The following SLIT3 variants were observed in gnomAD, a reference collection of about 807,000 sequenced individuals.
SLIT3 encodes the protein slit guidance ligand 3, also known as slit homolog 3 protein.
SLIT3 carries 68 observed loss-of-function variants against 184.0 expected under a neutral mutation model. That is an observed-to-expected ratio of 0.37 (90% confidence interval 0.30 to 0.45). SLIT3 has a LOEUF of 0.45. Ranked by LOEUF, SLIT3 falls within the 20% of genes least tolerant of loss-of-function variation. The pLI is 1.00. For synonymous variants in SLIT3, 831 were observed against 828.6 expected, an observed-to-expected ratio of 1.00 and a Z score of -0.05; for missense variants, 1,707 against 2,026.0, an observed-to-expected ratio of 0.84 and a Z score of 3.02.
chr5:169,244,846 C>T, intron 2 of SLIT3, 70 bp from the exon 3 acceptor site: 1 of 1,331,490 alleles, frequency 7.5e-7, no homozygotes, highest in Non-Finnish European at 1.1e-6. Context: ...AGGCTTCATG[C>T]CATGCAGGCA....
chr5:168,812,417 A>G (rs1757189091), intron 8 of SLIT3, among the ~76,000 whole-genome samples: 1 of 152,238 alleles, frequency 6.6e-6, no homozygotes, highest in Admixed American at 6.5e-5. Flanking sequence ...TTTGATTTTT[A>G]CATAATATAT....
chr5:168,805,806 C>T (rs34542491), intron 9 of SLIT3, among the ~76,000 whole-genome samples: 21,917 of 152,212 alleles, frequency 0.14, 1,941 homozygotes, highest in East Asian at 0.29. Flanking sequence ...CATTTGTTTA[C>T]GTCCCACCAC....
chr5:168,745,084 G>A (rs1763758691), intron 20 of SLIT3, among the ~76,000 whole-genome samples: 1 of 152,194 alleles, frequency 6.6e-6, no homozygotes, highest in South Asian at 2.1e-4. Context: ...AACATTAATA[G>A]GAGTTTGGAA....
intron 4 of SLIT3, among the ~76,000 whole-genome samples, chr5:168,973,074 C>T (rs965514142): frequency 7.2e-5 from 11 of 152,052 alleles, no homozygotes; most frequent in African/African-American, 1.5e-4. Flanking sequence ...TCCAGCTTGT[C>T]CTTGAAGAGC....
intron 3 of SLIT3, among the ~76,000 whole-genome samples, chr5:169,238,840 C>T (rs947703005): frequency 6.6e-6 from 1 of 152,070 alleles, no homozygotes. Flanking sequence ...CATCATGGTT[C>T]CTTTGTACTT....
chr5:168,741,168 C>T (rs1763622116), intron 20 of SLIT3, among the ~76,000 whole-genome samples: 2 of 152,136 alleles, frequency 1.3e-5, no homozygotes, highest in South Asian at 4.2e-4. Context: ...AGCCACAACA[C>T]ACACTCAAGA....
chr5:168,836,818 T>C (rs1758068593), intron 6 of SLIT3, among the ~76,000 whole-genome samples: 1 of 152,200 alleles, frequency 6.6e-6, no homozygotes, highest in Non-Finnish European at 1.5e-5. Flanking sequence ...AACCCAGGAA[T>C]GTACACCAAT....
intron 33 of SLIT3, among the ~76,000 whole-genome samples, chr5:168,671,700 C>A (rs1173254154): frequency 6.6e-6 from 1 of 152,144 alleles, no homozygotes; most frequent in East Asian, 1.9e-4. Flanking sequence ...AATTTGTTGC[C>A]AATATGTAAT....
intron 4 of SLIT3, among the ~76,000 whole-genome samples, chr5:168,932,817 C>T (rs1217466369): frequency 2.0e-5 from 3 of 152,242 alleles, no homozygotes; most frequent in Non-Finnish European, 4.4e-5. Context: ...GACTAGCAGC[C>T]TAGGCTACGA....
chr5:168,715,726 G>A (rs1229542000), intron 23 of SLIT3, among the ~76,000 whole-genome samples: 1 of 152,206 alleles, frequency 6.6e-6, no homozygotes, highest in Non-Finnish European at 1.5e-5. Context: ...AGGCTGGAGT[G>A]CAGTGGCACG....
intron 8 of SLIT3, among the ~76,000 whole-genome samples, chr5:168,814,711 G>A (rs1757274675): frequency 6.6e-6 from 1 of 152,204 alleles, no homozygotes. Context: ...CATTAGGTTG[G>A]TGCAAAAGGT....
intron 4 of SLIT3, among the ~76,000 whole-genome samples, chr5:169,081,306 G>C (rs1255650193): frequency 1.3e-5 from 2 of 152,212 alleles, no homozygotes; most frequent in Non-Finnish European, 1.5e-5. Flanking sequence ...AGAGGAAGGA[G>C]GTTTCATGCA....
intron 4 of SLIT3, among the ~76,000 whole-genome samples, chr5:169,098,988 G>A (rs1376770334): frequency 2.6e-5 from 4 of 151,952 alleles, no homozygotes; most frequent in Non-Finnish European, 5.9e-5. Flanking sequence ...CACCCTTCCA[G>A]CAGCACAAAA....
Position 168,671,432 on chromosome 5 carries a change from G to A in SLIT3, c.3893C>T (p.Pro1298Leu), listed in dbSNP as rs1761239419. 1 of 1,613,702 alleles carries A rather than the reference G, an allele frequency of 6.2e-7. No homozygotes were observed. The highest frequency in any genetic ancestry group is 8.5e-7 in the Non-Finnish European group (1 of 1,179,902). ...GATGCATCCGTGGAAGCCGCCTAGAGGCCGGTCCGTGCCCTGGCGCAAGGC... is the reference window on the plus strand; with the variant it reads ...GATGCATCCGTGGAAGCCGCCTAGAAGCCGGTCCGTGCCCTGGCGCAAGGC... ...LSALRQGTDRPLGGFHGCIHE... is the reference protein window; with the variant it reads ...LSALRQGTDRLLGGFHGCIHE... The change falls in exon 34 of 36, where the codon CCT (proline) becomes CTT (leucine). Residue 1298 changes from proline (P) to leucine (L), a missense_variant. Pro to Leu is a moderately conservative substitution (Grantham distance 98). Around this residue, in one of 3 missense-constraint regions of SLIT3, gnomAD observed 387 missense variants for 477.9 expected, o/e 0.81. Coordinates refer to ENST00000519560, the MANE Select transcript of SLIT3 (RefSeq NM_003062.4).
intron 3 of SLIT3, among the ~76,000 whole-genome samples, chr5:169,208,509 G>A (rs1764150853): frequency 1.3e-5 from 2 of 152,010 alleles, no homozygotes; most frequent in South Asian, 4.1e-4. Flanking sequence ...AAAGCTGGAG[G>A]CATCATGCTA....
At chr5:168,762,801 A>T in intron 14 of SLIT3, 112 bp from the exon 15 acceptor site, 1 of 1,053,582 alleles carries the variant, frequency 9.5e-7, no homozygotes. Flanking sequence ...GGGGGCTGTT[A>T]GGGGTCAAGT....
intron 4 of SLIT3, among the ~76,000 whole-genome samples, chr5:169,153,626 GC>G (rs1163675726): frequency 6.6e-6 from 1 of 152,252 alleles, no homozygotes; most frequent in Non-Finnish European, 1.5e-5. Context: ...TCAGGCACAG[GC>G]TGCTAGTAGT....
intron 4 of SLIT3, among the ~76,000 whole-genome samples, chr5:169,033,624 T>C (rs891756068): frequency 6.6e-6 from 1 of 152,184 alleles, no homozygotes; most frequent in East Asian, 1.9e-4. Flanking sequence ...GACTTGATAG[T>C]TGCCATCCAA....
chr5:169,259,336 G>A (rs921611329), intron 1 of SLIT3, among the ~76,000 whole-genome samples: 2 of 152,248 alleles, frequency 1.3e-5, no homozygotes, highest in Non-Finnish European at 2.9e-5. Context: ...TGGGATTACA[G>A]GCGTGAGCCA....
Sources: gnomAD v4.1 joint callset for allele counts (sites outside exome capture counted in the v4.1 genomes callset) on GRCh38, gnomAD v4.1.1 for gene constraint, gnomAD v4.1.1 regional missense constraint, MANE v1.5 for transcripts, NCBI Gene and HGNC (gene_info 2026-07-23, HGNC 2026-07-21) for gene names.